Variants in FGFR1 observed in about 807,000 individuals in gnomAD.
The protein encoded by FGFR1 is fibroblast growth factor receptor 1.
Under a neutral mutation model 93.7 loss-of-function variants are expected in FGFR1, and 18 were observed. The ratio of observed to expected loss-of-function variants is 0.19; its 90% CI spans 0.13 to 0.28. The LOEUF (loss-of-function observed/expected upper bound fraction) is 0.28, where lower values mean the gene tolerates loss of function less well. Among genes scored for constraint, FGFR1 ranks in the 10% least tolerant of loss-of-function variants. The pLI, the probability that FGFR1 is intolerant of heterozygous loss-of-function variation, is 1.00. For synonymous variants in FGFR1, 448 were observed against 429.3 expected, an observed-to-expected ratio of 1.04 and a Z score of -0.54; for missense variants, 731 against 1,080.4, an observed-to-expected ratio of 0.68 and a Z score of 4.53.
At chr8:38,430,972 C>T (rs944058485) in intron 2 of FGFR1, among the ~76,000 whole-genome samples, 2 of 152,172 alleles carry the variant, frequency 1.3e-5, no homozygotes, top group Non-Finnish European at 2.9e-5. Flanking sequence ...TCTGCACTCA[C>T]GAGGGGAAAT....
rs775814978 is a variant in FGFR1, at chr8:38,414,083, C to T, written c.2187-60G>A. ...GGAGATGGATACTCTCTAGTCTAGC[C>T]CCCTGCCCCTCAAGCCCACTCTTGC... On this transcript the variant is annotated intron_variant, in intron 16 of 17. Transcript: ENST00000447712. 33 of 1,613,962 alleles carry T rather than the reference C, an allele frequency of 2.0e-5. No homozygotes were observed. The East Asian group carries it at 5.1e-4, about 25-fold the overall frequency.
rs17175750 is a variant in FGFR1, at chr8:38,457,381, C to A, written c.66G>T (p.Arg22Ser). The change falls in exon 2 of 18, where the codon AGG becomes AGT. Residue 22 changes from arginine to serine, a missense_variant. Around this residue, in one of 10 missense-constraint regions of FGFR1, gnomAD observed 212 missense variants for 205.8 expected, o/e 1.03. Transcript: ENST00000447712. ...VLVTATLCTA[R>S]PSPTLPEQAQ... ...CTTGTTCAGGCAAGGTCGGGGACGG[C>A]CTAGCGGTGCAGAGTGTGGCTGTGA... 6.2e-7 allele frequency: 1 copy of A among 1,613,740 alleles called. No individual in the cohort carries two copies. The highest frequency in any genetic ancestry group is 1.3e-5 in the African/African-American group (1 of 75,044).
In FGFR1 at chr8:38,466,312, A is replaced by G. The variant is rs1219166203; in HGVS notation, c.-89+1669T>C. Reference sequence around the variant, plus strand: ...CGAGAGGGGACCGCGGGCTCCGGGCAGGGCAGGCGCTCCCGCAGCTCCAGC... The same window carrying G: ...CGAGAGGGGACCGCGGGCTCCGGGCGGGGCAGGCGCTCCCGCAGCTCCAGC... On this transcript the variant is annotated intron_variant, in intron 1 of 17. Transcript: ENST00000447712. 1.3e-5 allele frequency: 3 copies of G among 232,128 alleles called. No homozygotes were observed. In the Admixed American group the frequency reaches 1.7e-4, roughly 13 times the overall value. The allele number at this position is 232,128 out of a possible 1,614,324, so 14.4% of individuals were successfully genotyped here. A position where few individuals can be genotyped will look rare whatever the true frequency, so the allele number is the denominator to read the frequency against.
At chr8:38,454,353 T>A (rs907427731) in intron 2 of FGFR1, among the ~76,000 whole-genome samples, 6 of 152,182 alleles carry the variant, frequency 3.9e-5, no homozygotes, top group African/African-American at 1.2e-4. Flanking sequence ...ATTCACATTC[T>A]CAAACCTCAA....
intron 2 of FGFR1, among the ~76,000 whole-genome samples, chr8:38,446,760 C>T (rs1829424519): frequency 6.6e-6 from 1 of 152,146 alleles, no homozygotes; most frequent in South Asian, 2.1e-4. Flanking sequence ...ATGTTAATGT[C>T]CCAGCCTCTG....
At chr8:38,461,210 A>AT in intron 1 of FGFR1, 1 of 1,434,462 alleles carries the variant, frequency 7.0e-7, no homozygotes, top group South Asian at 1.2e-5. Context: ...GTCTGGTGAG[A>AT]TAGCAGGGGC....
intron 5 of FGFR1, among the ~76,000 whole-genome samples, chr8:38,427,651 A>G (rs1821265318): frequency 6.6e-6 from 1 of 152,254 alleles, no homozygotes; most frequent in South Asian, 2.1e-4. Context: ...TTCATGCTTG[A>G]AATATATCAG....
chr8:38,458,334 A>G (rs1468823506), intron 1 of FGFR1, among the ~76,000 whole-genome samples: 1 of 152,152 alleles, frequency 6.6e-6, no homozygotes, highest in Non-Finnish European at 1.5e-5. Context: ...TGAGGTCAGG[A>G]GTTCAAGACC....
intron 2 of FGFR1, among the ~76,000 whole-genome samples, chr8:38,450,915 C>T (rs1157006031): frequency 1.3e-5 from 2 of 152,272 alleles, no homozygotes; most frequent in South Asian, 2.1e-4. Flanking sequence ...GCCACGTGAG[C>T]GTCCTCACAT....
rs1816427591 is a variant in FGFR1, at chr8:38,416,032, G to C, written c.1692C>G (p.Ala564=). 4 of 1,613,494 alleles carry C rather than the reference G, an allele frequency of 2.5e-6. No individual in the cohort carries two copies. In the East Asian group the frequency reaches 8.9e-5, roughly 36 times the overall value. ...DGPLYVIVEY[A]SKGNLREYLQ... ...GGTACTCCCGCAGGTTGCCCTTGGA[G>C]GCATACTCCACGATGACATACAAGG... Residue 564 remains alanine (A), a synonymous_variant, in exon 13 of 18, where the codon GCC becomes GCG. Coordinates refer to ENST00000447712, the MANE Select transcript of FGFR1 (RefSeq NM_023110.3).
chr8:38,449,333 C>T lies in FGFR1; in HGVS notation c.91+8023G>A, dbSNP rs531084788. On this transcript the variant is annotated intron_variant, in intron 2 of 17. Coordinates refer to ENST00000447712, the MANE Select transcript of FGFR1 (RefSeq NM_023110.3). Reference sequence around the variant, plus strand: ...AGGATAAAACAATGTATAAAGTATACATTGTATTTACGGAAAAAGGAAGAG... The same window carrying T: ...AGGATAAAACAATGTATAAAGTATATATTGTATTTACGGAAAAAGGAAGAG... Among the ~76,000 whole-genome samples the T allele has an allele frequency of 1.1e-3, 165 of 151,844 alleles. 1 individual carries two copies. Among genetic ancestry groups the T allele is most frequent in the South Asian group, 2.9e-3 (14 of 4,800 alleles).
rs2150582756 is a variant in FGFR1 at position 38,415,896 on chromosome 8, C to T, written c.1828G>A (p.Gly610Ser). 1 of 1,613,876 alleles carries T rather than the reference C, an allele frequency of 6.2e-7. No individual in the cohort carries two copies. The highest frequency in any genetic ancestry group is 8.5e-7 in the Non-Finnish European group (1 of 1,180,018). The change falls in exon 13 of 18, where the codon GGC (glycine) becomes AGC (serine). Residue 610 changes from glycine to serine, a missense_variant. By Grantham distance (56) the Gly-to-Ser change is moderately conservative. This residue lies in a region of FGFR1 where 44 missense variants were observed against 99.9 expected (regional missense o/e 0.44). Transcript: ENST00000447712. ...LVSCAYQVAR[G>S]MEYLASKKCI... ...TTCTTGGAGGCCAGATACTCCATGC[C>T]TCGGGCCACCTGGTAGGCGCAGGAC... is the stretch of plus-strand genomic sequence containing the variant.
intron 2 of FGFR1, among the ~76,000 whole-genome samples, chr8:38,446,886 T>C (rs1382365846): frequency 2.6e-5 from 4 of 152,184 alleles, no homozygotes; most frequent in Non-Finnish European, 5.9e-5. Context: ...AGGCTAACTG[T>C]GACCTATAAA....
intron 1 of FGFR1, 126 bp downstream of exon 1, chr8:38,467,855 G>C (rs1257256812): frequency 2.2e-5 from 5 of 228,062 alleles, no homozygotes; most frequent in East Asian, 6.2e-5. Context: ...GGCGGGCGGC[G>C]AGCGGAGGGA....
At chr8:38,465,786 GA>G in intron 1 of FGFR1, 1 of 217,828 alleles carries the variant, frequency 4.6e-6, no homozygotes, top group Non-Finnish European at 9.2e-6. Flanking sequence ...GCCAAGGGAG[GA>G]AAATGGCCAC....
intron 1 of FGFR1, chr8:38,466,122 C>T (rs892983873): frequency 4.3e-6 from 1 of 231,714 alleles, no homozygotes; most frequent in Non-Finnish European, 8.5e-6. Context: ...AAACCTGTAG[C>T]CGTTATTTAA....
intron 13 of FGFR1, among the ~76,000 whole-genome samples, chr8:38,415,299 T>C (rs1461904678): frequency 1.3e-5 from 2 of 152,094 alleles, no homozygotes; most frequent in Non-Finnish European, 2.9e-5. Context: ...ATTGTTATAC[T>C]TTATTTTCTT....
In FGFR1 at chr8:38,429,984, G is replaced by C. The variant is rs761457546; in HGVS notation, c.92-36C>G. 6.4e-7 allele frequency: 1 copy of C among 1,574,292 alleles called. No individual in the cohort carries two copies. The highest frequency in any genetic ancestry group is 8.6e-7 in the Non-Finnish European group (1 of 1,159,194). ...CACGGGGCCGGGAAGGGAAGCCAAG[G>C]GGCGAGAGAGGAAGACAGGGAGAGG... On this transcript the variant is annotated intron_variant, in intron 2 of 17. Coordinates refer to ENST00000447712, the MANE Select transcript of FGFR1 (RefSeq NM_023110.3). The surrounding 1 kb of genome is among the most constrained non-coding windows in gnomAD (Gnocchi z 4.4).
chr8:38,440,018 T>C (rs1198726833), intron 2 of FGFR1, among the ~76,000 whole-genome samples: 1 of 152,152 alleles, frequency 6.6e-6, no homozygotes, highest in Non-Finnish European at 1.5e-5. Flanking sequence ...AGGGTAGCAA[T>C]TTCTATCATC....
Sources: allele counts gnomAD v4.1 joint callset (sites outside exome capture counted in the v4.1 genomes callset), GRCh38; gene constraint gnomAD v4.1.1; regional missense constraint gnomAD v4.1.1; non-coding constraint Gnocchi (gnomAD v3.1); transcripts MANE v1.5; gene names NCBI Gene and HGNC (gene_info 2026-07-23, HGNC 2026-07-21).